Variants in GOLGA6B observed in about 807,000 individuals in gnomAD.
The protein encoded by GOLGA6B is golgin subfamily A member 6B.
A neutral mutation model predicts 63.0 loss-of-function variants in GOLGA6B; 11 were observed. The ratio of observed to expected loss-of-function variants is 0.17; its 90% confidence interval spans 0.11 to 0.29. The LOEUF is 0.29. Among genes scored for constraint, GOLGA6B ranks in the 10% least tolerant of loss-of-function variants. The probability of loss-of-function intolerance (pLI) is 1.00; values close to 1 mark genes in which losing one functional copy is unlikely to be tolerated. For synonymous variants in GOLGA6B, 46 were observed against 232.6 expected (o/e 0.20, Z 7.30); for missense variants, 134 against 563.8 (o/e 0.24, Z 7.72).
intron 7 of GOLGA6B, among the ~76,000 whole-genome samples, chr15:72,660,650 A>G (rs2064591170): frequency 9.0e-6 from 1 of 111,236 alleles, no homozygotes; most frequent in African/African-American, 3.7e-5. Context: ...CATGTCTGCA[A>G]GCATTCATAA....
In GOLGA6B at chr15:72,663,898, C is replaced by T. The variant is rs530963804; in HGVS notation, c.1426-538C>T. 1.2e-4 allele frequency among the ~76,000 whole-genome samples: 15 copies of T among 129,860 alleles called. 5 individuals carry two copies. The highest frequency in any genetic ancestry group is 5.6e-4 in the South Asian group (2 of 3,580). 85.2% of individuals were successfully genotyped at this position (129,860 alleles called of 152,430 possible). ...TGGTGGTTGGCTCCCTCTGCTTTTC[C>T]GCCAGTCTGTGGCCTACAGTTTAAA... On this transcript the variant is annotated intron_variant, in intron 12 of 17. Coordinates refer to ENST00000421285, the MANE Select transcript of GOLGA6B (RefSeq NM_018652.5).
rs1402072049 is a variant in GOLGA6B at position 72,664,316 on chromosome 15, G to A, written c.1426-120G>A. ...GCAGGAAGCTTGGGGCAAAGCGGTG[G>A]CTGAGATGGCCGGCCAAAAGTTGCA... On this transcript the variant is annotated intron_variant, in intron 12 of 17. Coordinates refer to ENST00000421285, the MANE Select transcript of GOLGA6B (RefSeq NM_018652.5). 29 of 1,196,954 alleles carry A rather than the reference G, an allele frequency of 2.4e-5. 6 individuals carry two copies. Among genetic ancestry groups the A allele is most frequent in the Non-Finnish European group, 3.2e-5 (28 of 865,250 alleles). 74.1% of individuals were successfully genotyped at this position (1,196,954 alleles called of 1,614,324 possible).
Position 72,669,195 on chromosome 15 carries a change from C to T in GOLGA6B, c.*2853C>T, listed in dbSNP as rs2140472683. 6.6e-6 allele frequency among the ~76,000 whole-genome samples: 1 copy of T among 152,284 alleles called. No homozygotes were observed. Among genetic ancestry groups the T allele is most frequent in the East Asian group, 1.9e-4 (1 of 5,192 alleles). ...GGGTTTTCCAGAAATGAAAACAAGT[C>T]AGTTCTAAAACCAAAGCTGATATTT... is the stretch of plus-strand genomic sequence containing the variant. On this transcript the variant is annotated 3_prime_UTR_variant, in exon 18 of 18. Coordinates refer to ENST00000421285, the MANE Select transcript of GOLGA6B (RefSeq NM_018652.5).
Position 72,666,304 on chromosome 15 carries a change from C to T in GOLGA6B, c.2044C>T (p.Gln682Ter), listed in dbSNP as rs2064639645. The change falls in exon 18 of 18, where the codon CAG (glutamine) becomes TAG (stop). Residue 682 changes from glutamine to a stop codon, truncating the protein, a stop_gained. Transcript: ENST00000421285. LOFTEE classifies it high-confidence loss of function. ...TCCCCATGACAACCCCACTGTACAG[C>T]AGATCGTGCAGCTGTCTCCTGTCAT... is the stretch of plus-strand genomic sequence containing the variant. ...GSPHDNPTVQQIVQLSPVMQD... is the reference protein window; with the variant it reads ...GSPHDNPTVQ 6.3e-7 allele frequency: 1 copy of T among 1,575,390 alleles called. No individual in the cohort carries two copies. The highest frequency in any genetic ancestry group is 8.6e-7 in the Non-Finnish European group (1 of 1,160,448).
chr15:72,657,569 C>G (rs1302420999), intron 2 of GOLGA6B, among the ~76,000 whole-genome samples: 4 of 46,164 alleles, frequency 8.7e-5, no homozygotes, highest in African/African-American at 4.2e-4. Flanking sequence ...GTCTTTCACC[C>G]CCTGCCCTTG....
chr15:72,669,279 C>A lies in GOLGA6B; in HGVS notation c.*2937C>A, dbSNP rs1442943393. On this transcript the variant is annotated 3_prime_UTR_variant, in exon 18 of 18. Coordinates refer to ENST00000421285, the MANE Select transcript of GOLGA6B (RefSeq NM_018652.5). ...TAATATAGTTTCTCTAAAACTTTAT[C>A]TTAAAGAGTCATTTTAAAAGAATAT... is the stretch of plus-strand genomic sequence containing the variant. 1.3e-5 allele frequency among the ~76,000 whole-genome samples: 2 copies of A among 152,206 alleles called. No individual in the cohort carries two copies. Among genetic ancestry groups the A allele is most frequent in the Non-Finnish European group, 2.9e-5 (2 of 68,036 alleles).
chr15:72,657,434 T>C (rs1488692516), intron 2 of GOLGA6B, among the ~76,000 whole-genome samples: 1 of 150,986 alleles, frequency 6.6e-6, no homozygotes, highest in African/African-American at 2.4e-5. Flanking sequence ...AGGCAGCAGG[T>C]GGCCATTTGG....
chr15:72,664,328 G>C lies in GOLGA6B; in HGVS notation c.1426-108G>C, dbSNP rs377048109. 27 of 1,217,908 alleles carry C rather than the reference G, an allele frequency of 2.2e-5. 6 individuals carry two copies. Among genetic ancestry groups the C allele is most frequent in the African/African-American group, 6.4e-5 (4 of 62,444 alleles). 75.4% of individuals were successfully genotyped at this position (1,217,908 alleles called of 1,614,324 possible). On this transcript the variant is annotated intron_variant, in intron 12 of 17. Coordinates refer to ENST00000421285, the MANE Select transcript of GOLGA6B (RefSeq NM_018652.5). ...GGGCAAAGCGGTGGCTGAGATGGCC[G>C]GCCAAAAGTTGCAGGAGACCCAGGG...
At chr15:72,657,343 A>G (rs1305157231) in intron 2 of GOLGA6B, among the ~76,000 whole-genome samples, 1 of 144,720 alleles carries the variant, frequency 6.9e-6, no homozygotes, top group Admixed American at 6.9e-5. Context: ...GCGTATTAAG[A>G]TCTGCATTGG....
chr15:72,664,030 G>T (rs1187026379), intron 12 of GOLGA6B, among the ~76,000 whole-genome samples: 1 of 129,768 alleles, frequency 7.7e-6, no homozygotes, highest in Non-Finnish European at 1.7e-5. Context: ...GTCCTGGGCA[G>T]GTGACAGAGC....
At position 72,664,511 on chromosome 15, in the gene GOLGA6B, G is replaced by A. The variant is rs1313437425; in HGVS notation, c.1501G>A (p.Gly501Arg). Reference sequence around the variant, plus strand: ...AAGCCTCGTGGCTCTCCCGGGAGAAGGTACAGGAGACCACTCAGAGGAAGA... The same window carrying A: ...AAGCCTCGTGGCTCTCCCGGGAGAAAGTACAGGAGACCACTCAGAGGAAGA... Reference protein sequence around the residue: ...QLSLVALPGEGDGGQHLDSEE... With the variant: ...QLSLVALPGERDGGQHLDSEE... The change falls in exon 13 of 18, where the codon GGA becomes AGA. Residue 501 changes from glycine (G) to arginine (R), a missense_variant and splice_region_variant. Coordinates refer to ENST00000421285, the MANE Select transcript of GOLGA6B (RefSeq NM_018652.5). The A allele has an allele frequency of 5.9e-6, 8 of 1,353,070 alleles. 2 individuals are homozygous for A. In the Admixed American group the frequency reaches 7.7e-5, roughly 13 times the overall value. The allele number at this position is 1,353,070 out of a possible 1,614,324, so 83.8% of individuals were successfully genotyped here. A position where few individuals can be genotyped will look rare whatever the true frequency, so the allele number is the denominator to read the frequency against.
chr15:72,655,841 GA>G (rs1245400164), intron 1 of GOLGA6B, among the ~76,000 whole-genome samples: 7 of 128,972 alleles, frequency 5.4e-5, no homozygotes, highest in Admixed American at 3.3e-4. Flanking sequence ...TAGGTCTTGG[GA>G]AACTGAACTT....
In GOLGA6B at chr15:72,664,130, G is replaced by T. The variant is rs1323861058; in HGVS notation, c.1426-306G>T. 3.9e-4 allele frequency among the ~76,000 whole-genome samples: 51 copies of T among 130,448 alleles called. 6 individuals carry two copies. The highest frequency in any genetic ancestry group is 1.3e-3 in the African/African-American group (50 of 38,006). 85.6% of individuals were successfully genotyped at this position (130,448 alleles called of 152,430 possible). A position where few individuals can be genotyped will look rare whatever the true frequency, so the allele number is the denominator to read the frequency against. On this transcript the variant is annotated intron_variant, in intron 12 of 17. Coordinates refer to ENST00000421285, the MANE Select transcript of GOLGA6B (RefSeq NM_018652.5). ...CATGCCCAGGGTCTTCCTGCAGGTG[G>T]AGCTGAAGAGCCAAGGGTCTCAGAG...
At chr15:72,660,969 G>A (rs1404640234) in intron 7 of GOLGA6B, among the ~76,000 whole-genome samples, 2 of 151,058 alleles carry the variant, frequency 1.3e-5, no homozygotes, top group Non-Finnish European at 2.9e-5. Context: ...GATTAAATGG[G>A]ATCGCTAGCA....
chr15:72,662,398 A>G lies in GOLGA6B; in HGVS notation c.994A>G (p.Ser332Gly), dbSNP rs750143184. The G allele has an allele frequency of 1.4e-6, 2 of 1,396,052 alleles. No individual in the cohort carries two copies. Among genetic ancestry groups the G allele is most frequent in the Admixed American group, 1.9e-5 (1 of 52,624 alleles). 86.5% of individuals were successfully genotyped at this position (1,396,052 alleles called of 1,614,324 possible). ...VENNQALSLLSKEQKQRLQEQ... is the reference protein window; with the variant it reads ...VENNQALSLLGKEQKQRLQEQ... ...AAACAATCAGGCCTTGAGTCTCCTTAGCAAGGAACAAAAGCAGAGACTCCA... is the reference window on the plus strand; with the variant it reads ...AAACAATCAGGCCTTGAGTCTCCTTGGCAAGGAACAAAAGCAGAGACTCCA... Residue 332 changes from serine to glycine, a missense_variant, in exon 11 of 18, where the codon AGC becomes GGC. Ser to Gly is a moderately conservative substitution (Grantham distance 56). Transcript: ENST00000421285.
chr15:72,660,078 T>G, intron 6 of GOLGA6B, 45 bp from the exon 7 acceptor site: 1 of 44,362 alleles, frequency 2.3e-5, no homozygotes, highest in Admixed American at 2.6e-4. Context: ...TGACAGGTCT[T>G]TAGGGGGAGT....
At chr15:72,660,624 T>C (rs2064591000) in intron 7 of GOLGA6B, among the ~76,000 whole-genome samples, 1 of 106,548 alleles carries the variant, frequency 9.4e-6, no homozygotes, top group Non-Finnish European at 2.0e-5. Context: ...GTGTGTACTA[T>C]GATAATATAC....
intron 13 of GOLGA6B, 85 bp downstream of exon 13, chr15:72,664,596 A>C: frequency 1.0e-6 from 1 of 976,822 alleles, no homozygotes; most frequent in South Asian, 1.6e-5. Flanking sequence ...GGGTTGGAAG[A>C]GACCTTTAGA....
At chr15:72,657,415 C>G (rs2064581506) in intron 2 of GOLGA6B, among the ~76,000 whole-genome samples, 2 of 151,392 alleles carry the variant, frequency 1.3e-5, no homozygotes, top group South Asian at 4.2e-4. Context: ...TTTTTTCCTG[C>G]CCCTGGCAAG....
Sources: gnomAD v4.1 joint callset for allele counts (sites outside exome capture counted in the v4.1 genomes callset) on GRCh38, gnomAD v4.1.1 for gene constraint, MANE v1.5 for transcripts, NCBI Gene and HGNC (gene_info 2026-07-23, HGNC 2026-07-21) for gene names.